Variants in CCR3 observed in about 807,000 individuals in gnomAD.
The protein encoded by CCR3 is C-C motif chemokine receptor 3, also known as C-C chemokine receptor type 3.
For missense variants in CCR3, 419 were observed against 437.5 expected (o/e 0.96, Z 0.38); for synonymous variants, 203 against 179.2 (o/e 1.13, Z -1.06).
intron 2 of CCR3, among the ~76,000 whole-genome samples, chr3:46,215,690 G>A (rs893461959): frequency 6.6e-6 from 1 of 152,190 alleles, no homozygotes; most frequent in African/African-American, 2.4e-5. Flanking sequence ...GAAGTTAGCT[G>A]GAGTCAGAAA....
intron 1 of CCR3, among the ~76,000 whole-genome samples, chr3:46,249,004 G>A (rs1296259021): frequency 3.3e-5 from 5 of 152,172 alleles, no homozygotes; most frequent in South Asian, 2.1e-4. Context: ...CTTAGCAGGC[G>A]AGTGATAACA....
upstream of CCR3, among the ~76,000 whole-genome samples, chr3:46,240,637 G>T (rs549698823): frequency 6.6e-6 from 1 of 152,214 alleles, no homozygotes; most frequent in South Asian, 2.1e-4. Context: ...ACCCTGAGTG[G>T]CTGCCTCTTT....
chr3:46,242,781 T>A (rs1305078618), intron 1 of CCR3, among the ~76,000 whole-genome samples: 1 of 151,790 alleles, frequency 6.6e-6, no homozygotes, highest in Non-Finnish European at 1.5e-5. Flanking sequence ...CGTGTAGCAC[T>A]CACCCAAACT....
chr3:46,242,895 T>G (rs571389809), intron 1 of CCR3, among the ~76,000 whole-genome samples: 22 of 150,524 alleles, frequency 1.5e-4, no homozygotes, highest in African/African-American at 4.4e-4. Flanking sequence ...GAGCTTACAC[T>G]TAATAGCTTG....
chr3:46,214,433 T>C (rs924751489), intron 2 of CCR3, among the ~76,000 whole-genome samples: 1 of 152,132 alleles, frequency 6.6e-6, no homozygotes, highest in Non-Finnish European at 1.5e-5. Context: ...TTTTCTCTCA[T>C]CTTGTCAGTT....
At chr3:46,210,712 A>G (rs1699699614) in exon 2 of CCR3, 1 of 152,344 alleles carries the variant, frequency 6.6e-6, no homozygotes, top group Non-Finnish European at 1.5e-5. Flanking sequence ...CCTGGCCGTC[A>G]TCAGGTTCAA....
At chr3:46,253,512 C>T (rs192546809) in intron 1 of CCR3, among the ~76,000 whole-genome samples, 1 of 152,160 alleles carries the variant, frequency 6.6e-6, no homozygotes, top group Non-Finnish European at 1.5e-5. Flanking sequence ...TCAATGTTTG[C>T]ATTAAATGAG....
At chr3:46,232,459 G>A (rs1053771781) in intron 2 of CCR3, among the ~76,000 whole-genome samples, 3 of 152,216 alleles carry the variant, frequency 2.0e-5, no homozygotes, top group African/African-American at 7.2e-5. Context: ...TGCAGCCTGA[G>A]GAAGGTTTGG....
chr3:46,254,468 C>G (rs868763293), intron 1 of CCR3, among the ~76,000 whole-genome samples: 38 of 145,134 alleles, frequency 2.6e-4, no homozygotes, highest in African/African-American at 9.0e-4. Context: ...ATTTTTCCCC[C>G]CTGGGTTCAA....
intron 2 of CCR3, among the ~76,000 whole-genome samples, chr3:46,219,052 A>C (rs1247729127): frequency 6.6e-6 from 1 of 152,184 alleles, no homozygotes; most frequent in African/African-American, 2.4e-5. Context: ...CTGTTTGCCC[A>C]TGATATGATC....
chr3:46,250,758 A>C (rs1286000162), intron 1 of CCR3, among the ~76,000 whole-genome samples: 1 of 151,964 alleles, frequency 6.6e-6, no homozygotes, highest in Non-Finnish European at 1.5e-5. Flanking sequence ...CCTATAGTGA[A>C]GGAGGCAAAC....
intron 1 of CCR3, among the ~76,000 whole-genome samples, chr3:46,247,256 G>A (rs1387543709): frequency 1.3e-5 from 2 of 152,270 alleles, no homozygotes; most frequent in Middle Eastern, 3.4e-3. Context: ...TGAGAACAGA[G>A]AACAGGAGTA....
intron 2 of CCR3, among the ~76,000 whole-genome samples, chr3:46,213,772 A>T (rs1033824285): frequency 1.3e-5 from 2 of 152,184 alleles, no homozygotes; most frequent in African/African-American, 4.8e-5. Flanking sequence ...CACTGCCTCT[A>T]GCACCTCAAC....
At chr3:46,243,719 G>T (rs1700140460) in intron 1 of CCR3, among the ~76,000 whole-genome samples, 1 of 152,110 alleles carries the variant, frequency 6.6e-6, no homozygotes, top group Non-Finnish European at 1.5e-5. Flanking sequence ...ACTGAACCAC[G>T]CAGGATGAGT....
intron 1 of CCR3, among the ~76,000 whole-genome samples, chr3:46,260,349 C>T (rs1486313106): frequency 1.3e-5 from 2 of 152,208 alleles, no homozygotes; most frequent in Non-Finnish European, 2.9e-5. Flanking sequence ...TCATCATTAA[C>T]TCAAAAGTCC....
At chr3:46,260,738 A>G (rs943316449) in intron 1 of CCR3, among the ~76,000 whole-genome samples, 3 of 152,250 alleles carry the variant, frequency 2.0e-5, no homozygotes, top group Admixed American at 6.5e-5. Flanking sequence ...TAAACACAAC[A>G]TGAGGCAGAG....
At chr3:46,258,849 C>T (rs1405243279) in intron 1 of CCR3, among the ~76,000 whole-genome samples, 1 of 152,092 alleles carries the variant, frequency 6.6e-6, no homozygotes, top group Non-Finnish European at 1.5e-5. Context: ...CCAAAACCAA[C>T]CAAACCAACC....
At chr3:46,221,152 C>T (rs1308516183) in intron 2 of CCR3, among the ~76,000 whole-genome samples, 1 of 152,182 alleles carries the variant, frequency 6.6e-6, no homozygotes, top group East Asian at 1.9e-4. Flanking sequence ...AGAGTATTTA[C>T]ACCAAGGAAA....
At chr3:46,240,604 T>C (rs1439134187), upstream of CCR3, among the ~76,000 whole-genome samples, 1 of 152,186 alleles carries the variant, frequency 6.6e-6, no homozygotes, top group Non-Finnish European at 1.5e-5. Context: ...CAGAGCACAA[T>C]ATATTATACT....
Sources: gnomAD v4.1 joint callset for allele counts (sites outside exome capture counted in the v4.1 genomes callset) on GRCh38, gnomAD v4.1.1 for gene constraint, MANE v1.5 for transcripts, NCBI Gene and HGNC (gene_info 2026-07-23, HGNC 2026-07-21) for gene names.